The following ANGPT1 variants were observed in gnomAD, a reference collection of about 807,000 sequenced individuals.
ANGPT1 encodes angiopoietin-1.
In ANGPT1, 17 loss-of-function variants were observed where a neutral mutation model predicts 62.2. The ratio of observed to expected loss-of-function variants is 0.27; its 90% confidence interval spans 0.19 to 0.41. ANGPT1 has a LOEUF of 0.41. Among genes scored for constraint, ANGPT1 ranks in the 10% least tolerant of loss-of-function variants. The pLI, the probability that ANGPT1 is intolerant of heterozygous loss-of-function variation, is 1.00. For synonymous variants in ANGPT1, 199 were observed against 198.9 expected, an observed-to-expected ratio of 1.00 and a Z score of 0.00; for missense variants, 478 against 594.9, an observed-to-expected ratio of 0.80 and a Z score of 2.04.
chr8:107,379,747 G>T (rs981711079), intron 1 of ANGPT1, among the ~76,000 whole-genome samples: 1 of 152,082 alleles, frequency 6.6e-6, no homozygotes, highest in African/African-American at 2.4e-5. Flanking sequence ...TAGCTTTATG[G>T]TATTTCAGAG....
intron 1 of ANGPT1, among the ~76,000 whole-genome samples, chr8:107,394,534 G>C (rs1022199868): frequency 6.6e-5 from 10 of 152,124 alleles, no homozygotes; most frequent in African/African-American, 2.4e-4. Flanking sequence ...AGAATAAGGA[G>C]CTGGGGGGAG....
At chr8:107,481,668 G>A (rs1195011689) in intron 1 of ANGPT1, among the ~76,000 whole-genome samples, 3 of 151,716 alleles carry the variant, frequency 2.0e-5, no homozygotes, top group Non-Finnish European at 2.9e-5. Context: ...TAACTGACCC[G>A]CAGTTCCCAG....
chr8:107,370,195 A>AAAGAGAG (rs1554586919), intron 1 of ANGPT1, among the ~76,000 whole-genome samples: 1 of 93,258 alleles, frequency 1.1e-5, no homozygotes, highest in Non-Finnish European at 2.1e-5. Flanking sequence ...AAGAAAGAAA[A>AAAGAGAG]AAAGAAAGAA....
chr8:107,474,648 G>C (rs920440449), intron 1 of ANGPT1, among the ~76,000 whole-genome samples: 1 of 152,080 alleles, frequency 6.6e-6, no homozygotes, highest in Non-Finnish European at 1.5e-5. Flanking sequence ...CAAATTGTCC[G>C]TGTTTGCAGA....
intron 1 of ANGPT1, among the ~76,000 whole-genome samples, chr8:107,432,747 C>G (rs911447837): frequency 1.3e-5 from 2 of 151,280 alleles, no homozygotes; most frequent in African/African-American, 4.9e-5. Flanking sequence ...TATTAGATAT[C>G]TGATAAGTAC....
At position 107,336,205 on chromosome 8, in the gene ANGPT1, C is replaced by G. The variant is rs750017837; in HGVS notation, c.520G>C (p.Glu174Gln). ...TTTGTCTGTTGAAGAAGTTGCTTCT[C>G]TAGCTTGTAGGTGGATAATGAATTC... The part of the protein sequence containing the change: ...LENSLSTYKL[E>Q]KQLLQQTNEI... The change falls in exon 3 of 9, where the codon GAG becomes CAG. Residue 174 changes from glutamate (E) to glutamine (Q), a missense_variant. Transcript: ENST00000517746. 10 of 1,609,930 alleles carry G rather than the reference C, an allele frequency of 6.2e-6. No homozygotes were observed. Among genetic ancestry groups the G allele is most frequent in the Non-Finnish European group, 8.5e-6 (10 of 1,178,744 alleles).
chr8:107,474,658 A>G (rs527449278), intron 1 of ANGPT1, among the ~76,000 whole-genome samples: 1 of 152,324 alleles, frequency 6.6e-6, no homozygotes, highest in Admixed American at 6.5e-5. Context: ...GTGTTTGCAG[A>G]TGACATGATT....
At chr8:107,463,181 T>C (rs1812115679) in intron 1 of ANGPT1, among the ~76,000 whole-genome samples, 1 of 152,174 alleles carries the variant, frequency 6.6e-6, no homozygotes, top group Non-Finnish European at 1.5e-5. Flanking sequence ...AAGCTGAATG[T>C]TGGAGAGGCC....
intron 1 of ANGPT1, among the ~76,000 whole-genome samples, chr8:107,423,582 C>T (rs1810951740): frequency 6.6e-6 from 1 of 152,116 alleles, no homozygotes; most frequent in Admixed American, 6.5e-5. Context: ...AGAACACCCC[C>T]CGACTCCTCC....
rs532203918 is a variant in ANGPT1 at position 107,422,541 on chromosome 8, G to A, written c.297+74721C>T. Among the ~76,000 whole-genome samples the A allele has an allele frequency of 9.9e-5, 15 of 152,244 alleles. No homozygotes were observed. In the East Asian group the frequency reaches 2.3e-3, roughly 24 times the overall value. On this transcript the variant is annotated intron_variant, in intron 1 of 8. Transcript: ENST00000517746. ...AACTGATACTAATCTTGTTTCCTTG[G>A]TCAGGCTTTGGAAATCTTGGTTCGT...
chr8:107,449,022 G>C (rs750210263), intron 1 of ANGPT1, among the ~76,000 whole-genome samples: 5 of 152,040 alleles, frequency 3.3e-5, no homozygotes, highest in Admixed American at 6.6e-5. Flanking sequence ...AGATATCAGT[G>C]CTCTACATGA....
At chr8:107,456,557 T>C (rs539186751) in intron 1 of ANGPT1, among the ~76,000 whole-genome samples, 1 of 152,170 alleles carries the variant, frequency 6.6e-6, no homozygotes, top group African/African-American at 2.4e-5. Flanking sequence ...CTAAAATGTT[T>C]TAAGTTTCCA....
intron 8 of ANGPT1, among the ~76,000 whole-genome samples, chr8:107,258,634 G>A (rs1813424113): frequency 6.6e-6 from 1 of 152,070 alleles, no homozygotes; most frequent in Admixed American, 6.6e-5. Context: ...CTTTGCCCGA[G>A]AAAATAGGAA....
intron 3 of ANGPT1, among the ~76,000 whole-genome samples, chr8:107,326,600 C>G (rs1815294702): frequency 1.3e-5 from 2 of 152,048 alleles, no homozygotes; most frequent in African/African-American, 4.8e-5. Context: ...GGAAGTCAGC[C>G]CTTCCTTGTC....
chr8:107,375,050 C>T (rs1345706794), intron 1 of ANGPT1, among the ~76,000 whole-genome samples: 1 of 152,078 alleles, frequency 6.6e-6, no homozygotes, highest in Non-Finnish European at 1.5e-5. Context: ...GTCCCAGCTA[C>T]TCAGGAAGCT....
In ANGPT1 at chr8:107,251,819, T is replaced by A; in HGVS notation, c.*36A>T. The stretch of plus-strand genomic sequence containing the variant: ...TCACCTGGCAGCTTCTCCGGATTTC[T>A]TTGTTGCTTTCATAATCGCTTCTGA... On this transcript the variant is annotated 3_prime_UTR_variant, in exon 9 of 9. Coordinates refer to ENST00000517746, the MANE Select transcript of ANGPT1 (RefSeq NM_001146.5). 6.2e-7 allele frequency: 1 copy of A among 1,610,802 alleles called. No individual in the cohort carries two copies.
At chr8:107,482,295 G>T (rs1213102285) in intron 1 of ANGPT1, among the ~76,000 whole-genome samples, 2 of 152,182 alleles carry the variant, frequency 1.3e-5, no homozygotes, top group Non-Finnish European at 2.9e-5. Context: ...GGGATGGGTT[G>T]TTTCTACTCC....
chr8:107,307,769 A>G (rs1343877750), intron 4 of ANGPT1, among the ~76,000 whole-genome samples: 1 of 152,152 alleles, frequency 6.6e-6, no homozygotes, highest in Non-Finnish European at 1.5e-5. Flanking sequence ...ACTGCGGCAC[A>G]AAAGATTTCT....
chr8:107,428,551 C>G (rs1282626578), intron 1 of ANGPT1, among the ~76,000 whole-genome samples: 1 of 152,170 alleles, frequency 6.6e-6, no homozygotes, highest in Non-Finnish European at 1.5e-5. Flanking sequence ...ATCCCACACA[C>G]TGTTTTTTGA....
Sources: allele counts gnomAD v4.1 joint callset (sites outside exome capture counted in the v4.1 genomes callset), GRCh38; gene constraint gnomAD v4.1.1; transcripts MANE v1.5; gene names NCBI Gene and HGNC (gene_info 2026-07-23, HGNC 2026-07-21).